The following SV2C variants were observed in gnomAD, a reference collection of about 807,000 sequenced individuals.
The protein encoded by SV2C is synaptic vesicle glycoprotein 2C.
Under a neutral mutation model 79.7 loss-of-function variants are expected in SV2C, and 49 were observed. The ratio of observed to expected loss-of-function variants is 0.61; its 90% CI spans 0.49 to 0.78. The LOEUF (loss-of-function observed/expected upper bound fraction) is 0.78. SV2C is among the 30% of genes least tolerant of loss of function. The probability of loss-of-function intolerance (pLI) is 0.00; values close to 1 mark genes in which losing one functional copy is unlikely to be tolerated. For missense variants in SV2C, 833 were observed against 912.9 expected (o/e 0.91, Z 1.13); for synonymous variants, 334 against 333.2 (o/e 1.00, Z -0.03).
chr5:76,014,100 AAG>A, the SV2C span, among the ~76,000 whole-genome samples: 2 of 151,546 alleles, frequency 1.3e-5, no homozygotes, highest in Admixed American at 6.6e-5. Flanking sequence ...GAAGGAAAGA[AAG>A]AGAGGATGAA....
the SV2C span, among the ~76,000 whole-genome samples, chr5:75,888,108 G>A: frequency 1.3e-5 from 2 of 151,952 alleles, no homozygotes; most frequent in African/African-American, 4.8e-5. Flanking sequence ...TTGTGTTCAA[G>A]TTTAGAAAAT....
At chr5:76,022,093 AAGCTTAC>A in the SV2C span, among the ~76,000 whole-genome samples, 1 of 152,152 alleles carries the variant, frequency 6.6e-6, no homozygotes, top group South Asian at 2.1e-4. Flanking sequence ...TGAGAAATTG[AAGCTTAC>A]AGCACTCTTC....
At chr5:76,293,245 A>G (rs1259818661) in intron 8 of SV2C, among the ~76,000 whole-genome samples, 1 of 152,210 alleles carries the variant, frequency 6.6e-6, no homozygotes, top group South Asian at 2.1e-4. Flanking sequence ...ATTAACCTAT[A>G]TTAAGTGCTT....
chr5:75,952,915 TC>T, the SV2C span, among the ~76,000 whole-genome samples: 1 of 152,158 alleles, frequency 6.6e-6, no homozygotes, highest in East Asian at 1.9e-4. Flanking sequence ...TACTTCTCCC[TC>T]CTAAGATCCA....
chr5:76,209,654 G>T, intron 3 of SV2C, 82 bp from the exon 4 acceptor site: 8 of 1,371,694 alleles, frequency 5.8e-6, no homozygotes, highest in Non-Finnish European at 6.0e-6. Flanking sequence ...TGTGTTGTTA[G>T]AGTTTGCTTT....
At chr5:76,191,308 G>A (rs946378985) in intron 2 of SV2C, among the ~76,000 whole-genome samples, 3 of 152,134 alleles carry the variant, frequency 2.0e-5, no homozygotes, top group Non-Finnish European at 2.9e-5. Flanking sequence ...TGAGATTTGG[G>A]CAGGGACACA....
chr5:75,965,551 GT>G, the SV2C span, among the ~76,000 whole-genome samples: 135 of 152,248 alleles, frequency 8.9e-4, 1 homozygote, highest in African/African-American at 3.1e-3. Flanking sequence ...ATCTGCCAGT[GT>G]TTTGATCTTG....
chr5:75,979,081 T>C, the SV2C span, among the ~76,000 whole-genome samples: 1 of 152,010 alleles, frequency 6.6e-6, no homozygotes, highest in Admixed American at 6.6e-5. Context: ...GCAGGAGGGA[T>C]TGCAATCCTA....
At chr5:76,071,547 TAGAC>T in the SV2C span, among the ~76,000 whole-genome samples, 2 of 152,066 alleles carry the variant, frequency 1.3e-5, no homozygotes, top group African/African-American at 4.8e-5. Flanking sequence ...GAAAACCAAT[TAGAC>T]AGACTATTAA....
chr5:76,287,563 CCT>C (rs1011351846), intron 6 of SV2C, among the ~76,000 whole-genome samples: 3 of 152,008 alleles, frequency 2.0e-5, no homozygotes, highest in African/African-American at 7.2e-5. Flanking sequence ...TTATAGTTCC[CCT>C]CTCTCTGCAG....
the SV2C span, among the ~76,000 whole-genome samples, chr5:76,059,168 T>G: frequency 6.6e-6 from 1 of 152,138 alleles, no homozygotes; most frequent in East Asian, 1.9e-4. Flanking sequence ...TGGTGGAGGG[T>G]TTTGTCTCAA....
At chr5:76,184,846 T>C (rs1229266767) in intron 2 of SV2C, among the ~76,000 whole-genome samples, 3 of 152,320 alleles carry the variant, frequency 2.0e-5, no homozygotes, top group African/African-American at 7.2e-5. Context: ...TGTCCTCACA[T>C]TTCAAAACAC....
chr5:76,096,233 T>C (rs1397039640), intron 1 of SV2C, among the ~76,000 whole-genome samples: 1 of 152,178 alleles, frequency 6.6e-6, no homozygotes, highest in Non-Finnish European at 1.5e-5. Flanking sequence ...TATCCATTGC[T>C]TCTTTTTCCT....
At chr5:75,939,369 G>C in the SV2C span, among the ~76,000 whole-genome samples, 4 of 152,052 alleles carry the variant, frequency 2.6e-5, no homozygotes, top group African/African-American at 9.7e-5. Context: ...AGACAGGGGA[G>C]AGGGAGAGAC....
At position 76,243,224 on chromosome 5, in the gene SV2C, G is replaced by A. The variant is rs115664494; in HGVS notation, c.913+33337G>A. Among the ~76,000 whole-genome samples the A allele has an allele frequency of 3.1e-3, 464 of 151,960 alleles. 3 individuals are homozygous for A. Among genetic ancestry groups the A allele is most frequent in the African/African-American group, 0.011 (449 of 41,402 alleles). On this transcript the variant is annotated intron_variant, in intron 4 of 12. Transcript: ENST00000502798. ...ATATACTTGCACTACAGAAATGCAT[G>A]GAATCAAAAAAAATGTATGTTTTCT...
At chr5:76,265,740 A>C (rs1323266410) in intron 4 of SV2C, among the ~76,000 whole-genome samples, 2 of 150,862 alleles carry the variant, frequency 1.3e-5, no homozygotes, top group Admixed American at 6.6e-5. Context: ...CGCTCCTTGC[A>C]CTCCCCACTC....
chr5:76,109,296 A>T (rs1241854191), intron 1 of SV2C, among the ~76,000 whole-genome samples: 5 of 152,220 alleles, frequency 3.3e-5, no homozygotes, highest in Non-Finnish European at 7.3e-5. Flanking sequence ...TGAGATTACA[A>T]GAATAGTGCC....
the SV2C span, among the ~76,000 whole-genome samples, chr5:75,982,755 CAT>C: frequency 1.3e-5 from 2 of 152,192 alleles, no homozygotes; most frequent in Non-Finnish European, 2.9e-5. Flanking sequence ...AAATGTGACA[CAT>C]ATATACCCTG....
At chr5:76,007,392 T>C in the SV2C span, among the ~76,000 whole-genome samples, 16 of 152,084 alleles carry the variant, frequency 1.1e-4, 1 homozygote, top group Admixed American at 7.9e-4. Flanking sequence ...AGTTTCTTCA[T>C]TTGTAAAAAG....
Sources: allele counts gnomAD v4.1 joint callset (sites outside exome capture counted in the v4.1 genomes callset), GRCh38; gene constraint gnomAD v4.1.1; transcripts MANE v1.5; gene names NCBI Gene and HGNC (gene_info 2026-07-23, HGNC 2026-07-21).